The following CNOT4 variants were observed in gnomAD, a reference collection of about 807,000 sequenced individuals.
CNOT4 encodes CCR4-associated factor 4.
In CNOT4, 8 loss-of-function variants were observed where a neutral mutation model predicts 73.8. That is an observed-to-expected ratio of 0.11 (90% confidence interval 0.06 to 0.20). The LOEUF (loss-of-function observed/expected upper bound fraction) is 0.20, where lower values mean the gene tolerates loss of function less well. CNOT4 is among the 10% of genes least tolerant of loss of function. CNOT4 has a pLI of 1.00. For synonymous variants in CNOT4, 293 were observed against 321.1 expected, an observed-to-expected ratio of 0.91 and a Z score of 0.94; for missense variants, 564 against 883.4, an observed-to-expected ratio of 0.64 and a Z score of 4.58.
chr7:135,433,165 A>G (rs1001948793), intron 2 of CNOT4, among the ~76,000 whole-genome samples: 7 of 152,094 alleles, frequency 4.6e-5, no homozygotes, highest in African/African-American at 1.7e-4. Flanking sequence ...GACGTCCTTG[A>G]TTGATCCTCA....
At chr7:135,366,296 T>G (rs1236829437) in intron 10 of CNOT4, among the ~76,000 whole-genome samples, 1 of 152,222 alleles carries the variant, frequency 6.6e-6, no homozygotes. Context: ...TGCATTTACA[T>G]AAATCTTATT....
At chr7:135,366,502 G>A (rs12670901) in intron 10 of CNOT4, among the ~76,000 whole-genome samples, 78,023 of 151,994 alleles carry the variant, frequency 0.51, 20,542 homozygotes, top group East Asian at 0.76. Flanking sequence ...CACATATGGC[G>A]CATGATGCAG....
chr7:135,363,326 T>A lies in CNOT4; in HGVS notation c.1841-140A>T. On this transcript the variant is annotated intron_variant, in intron 11 of 11. Coordinates refer to ENST00000541284, the MANE Select transcript of CNOT4 (RefSeq NM_001190850.2). This position sits in a 1 kb window ranked among gnomAD's most constrained non-coding sequence, Gnocchi z 4.3. The stretch of plus-strand genomic sequence containing the variant: ...TAAACTCCTTCCAAATAAGACCTTT[T>A]AAACCAATCCTCCCCCAACAACAAA... 1.4e-6 allele frequency: 1 copy of A among 739,874 alleles called. No homozygotes were observed. Among genetic ancestry groups the A allele is most frequent in the Non-Finnish European group, 2.2e-6 (1 of 453,684 alleles). The allele number at this position is 739,874 out of a possible 1,614,324, so 45.8% of individuals were successfully genotyped here.
intron 10 of CNOT4, among the ~76,000 whole-genome samples, chr7:135,373,640 G>A (rs1039658740): frequency 3.9e-5 from 6 of 152,206 alleles, no homozygotes; most frequent in African/African-American, 1.4e-4. Context: ...TGCAATGCTC[G>A]ATCTCGGCTC....
intron 7 of CNOT4, among the ~76,000 whole-genome samples, chr7:135,401,461 AAAAC>A (rs1405712055): frequency 6.6e-6 from 1 of 152,200 alleles, no homozygotes; most frequent in Admixed American, 6.5e-5. Flanking sequence ...TTTTTATTTA[AAAAC>A]AAACAAAAAA....
chr7:135,458,035 T>C (rs1052171384), intron 1 of CNOT4, among the ~76,000 whole-genome samples: 2 of 152,130 alleles, frequency 1.3e-5, no homozygotes, highest in Non-Finnish European at 2.9e-5. Context: ...TTCAAAGTTT[T>C]TGCTACTGTA....
chr7:135,380,440 C>G (rs1795781685), intron 10 of CNOT4, among the ~76,000 whole-genome samples: 2 of 152,140 alleles, frequency 1.3e-5, no homozygotes, highest in African/African-American at 4.8e-5. Flanking sequence ...TTTAAGAGTA[C>G]CTGCAAGGTT....
chr7:135,494,299 G>A (rs1803312400), intron 1 of CNOT4, among the ~76,000 whole-genome samples: 1 of 151,568 alleles, frequency 6.6e-6, no homozygotes, highest in Admixed American at 6.6e-5. Context: ...GTGAAACCCC[G>A]TCTCTACTAA....
intron 5 of CNOT4, among the ~76,000 whole-genome samples, chr7:135,414,118 C>T (rs765178278): frequency 1.3e-5 from 2 of 151,822 alleles, no homozygotes; most frequent in African/African-American, 2.4e-5. Flanking sequence ...AGATTATCCC[C>T]GATAATGAAT....
chr7:135,373,815 C>T (rs959875067), intron 10 of CNOT4, among the ~76,000 whole-genome samples: 6 of 152,048 alleles, frequency 3.9e-5, no homozygotes, highest in South Asian at 2.1e-4. Flanking sequence ...CTCCTGACCT[C>T]GGATGATCTG....
rs544469289 is a variant in CNOT4, at chr7:135,452,310, C to T, written c.-92-13887G>A. Among the ~76,000 whole-genome samples, 10 of 151,932 alleles carry T rather than the reference C, an allele frequency of 6.6e-5. No individual in the cohort carries two copies. In the East Asian group the frequency reaches 8.1e-4, roughly 12 times the overall value. On this transcript the variant is annotated intron_variant, in intron 1 of 11. Coordinates refer to ENST00000541284, the MANE Select transcript of CNOT4 (RefSeq NM_001190850.2). ...AAATAGGGACAGGCATGGTGGCTCACGCCTGTCCCAGAACTTTGGGAGGCC... is the reference window on the plus strand; with the variant it reads ...AAATAGGGACAGGCATGGTGGCTCATGCCTGTCCCAGAACTTTGGGAGGCC...
chr7:135,471,349 A>T (rs1225003891), intron 1 of CNOT4, among the ~76,000 whole-genome samples: 1 of 152,232 alleles, frequency 6.6e-6, no homozygotes, highest in Non-Finnish European at 1.5e-5. Flanking sequence ...CTTTTAAGAA[A>T]CTTAAGACAC....
chr7:135,508,129 G>A (rs1005654475), intron 1 of CNOT4, among the ~76,000 whole-genome samples: 1 of 152,182 alleles, frequency 6.6e-6, no homozygotes, highest in African/African-American at 2.4e-5. Context: ...ACATGAGACT[G>A]TCACTGATTT....
At chr7:135,402,234 C>G (rs938134592) in intron 7 of CNOT4, among the ~76,000 whole-genome samples, 1 of 151,778 alleles carries the variant, frequency 6.6e-6, no homozygotes, top group African/African-American at 2.4e-5. Context: ...CTCAGCCTCC[C>G]GAATAGCTGA....
At chr7:135,458,405 C>T (rs1047001625) in intron 1 of CNOT4, among the ~76,000 whole-genome samples, 4 of 152,046 alleles carry the variant, frequency 2.6e-5, no homozygotes, top group South Asian at 2.1e-4. Flanking sequence ...TCAGGGTGGT[C>T]GTTGCCAAAA....
intron 10 of CNOT4, chr7:135,387,425 T>C: frequency 1.0e-6 from 1 of 983,680 alleles, no homozygotes; most frequent in Non-Finnish European, 1.2e-6. Flanking sequence ...AATCCAATTT[T>C]ATATAGAGGT....
intron 10 of CNOT4, chr7:135,387,139 G>C: frequency 1.0e-6 from 1 of 977,162 alleles, no homozygotes; most frequent in Non-Finnish European, 1.2e-6. Context: ...GTAAAAGACT[G>C]ATAATAAGTC....
At chr7:135,470,734 A>C (rs1801527621) in intron 1 of CNOT4, among the ~76,000 whole-genome samples, 1 of 152,260 alleles carries the variant, frequency 6.6e-6, no homozygotes, top group African/African-American at 2.4e-5. Flanking sequence ...AAAAGAAGCC[A>C]GTCACAAAAT....
At chr7:135,397,828 G>A (rs1376440674) in intron 8 of CNOT4, among the ~76,000 whole-genome samples, 1 of 152,120 alleles carries the variant, frequency 6.6e-6, no homozygotes, top group Non-Finnish European at 1.5e-5. Flanking sequence ...AAGGGGCAAG[G>A]GGAGTATGTG....
Sources: gnomAD v4.1 joint callset for allele counts (sites outside exome capture counted in the v4.1 genomes callset) on GRCh38, gnomAD v4.1.1 for gene constraint, Gnocchi (gnomAD v3.1) non-coding constraint, MANE v1.5 for transcripts, NCBI Gene and HGNC (gene_info 2026-07-23, HGNC 2026-07-21) for gene names.